SLC36A4: variants seen among roughly 807,000 people sequenced by gnomAD.
The protein encoded by SLC36A4 is neutral amino acid uniporter 4.
Under a neutral mutation model 50.5 loss-of-function variants are expected in SLC36A4, and 49 were observed. The ratio of observed to expected loss-of-function variants is 0.97; its 90% CI spans 0.77 to 1.23. SLC36A4 has a LOEUF of 1.23. Ranked by LOEUF, SLC36A4 falls within the 50% of genes most tolerant of loss-of-function variation. SLC36A4 has a pLI of 0.00. For synonymous variants in SLC36A4, 207 were observed against 206.5 expected (o/e 1.00, Z -0.02); for missense variants, 611 against 608.4 (o/e 1.00, Z -0.05).
intron 3 of SLC36A4, among the ~76,000 whole-genome samples, chr11:93,184,216 A>G (rs1861875798): frequency 6.6e-6 from 1 of 152,162 alleles, no homozygotes; most frequent in South Asian, 2.1e-4. Flanking sequence ...TTGGCTAAAT[A>G]TTACAAATAA....
intron 1 of SLC36A4, among the ~76,000 whole-genome samples, chr11:93,194,819 T>G (rs1302290283): frequency 6.6e-6 from 1 of 152,170 alleles, no homozygotes; most frequent in Non-Finnish European, 1.5e-5. Context: ...AGACCAGACC[T>G]TTCACTAATG....
In SLC36A4 at chr11:93,179,475, A is replaced by T. The variant is rs114545062; in HGVS notation, c.540+1322T>A. On this transcript the variant is annotated intron_variant, in intron 6 of 10. Coordinates refer to ENST00000326402, the MANE Select transcript of SLC36A4 (RefSeq NM_152313.4). ...AATAAATTCTGGCTAGAGATAAAGA[A>T]AAGGAAGACATGGAAGGAACAGTTA... is the stretch of plus-strand genomic sequence containing the variant. Among the ~76,000 whole-genome samples, 1,093 of 152,330 alleles carry T rather than the reference A, an allele frequency of 7.2e-3. 11 individuals are homozygous for T. The highest frequency in any genetic ancestry group is 0.025 in the African/African-American group (1,036 of 41,580).
rs747768813 is a variant in SLC36A4 at position 93,148,686 on chromosome 11, T to C, written c.1366A>G (p.Ile456Val). ...AAGCCAACAACTCCAGTGAATGCTATAGAAATATTTTTCAGGACCATCCAT... is the reference window on the plus strand; with the variant it reads ...AAGCCAACAACTCCAGTGAATGCTACAGAAATATTTTTCAGGACCATCCAT... ...NIWMVLKNIS[I>V]AFTGVVGFLL... Residue 456 changes from isoleucine (I) to valine (V), a missense_variant, in exon 11 of 11, where the codon ATA becomes GTA. Coordinates refer to ENST00000326402, the MANE Select transcript of SLC36A4 (RefSeq NM_152313.4). 1.9e-5 allele frequency: 31 copies of C among 1,612,756 alleles called. No individual in the cohort carries two copies. Among genetic ancestry groups the C allele is most frequent in the East Asian group, 1.8e-4 (8 of 44,810 alleles).
chr11:93,178,679 A>G (rs1441761930), intron 6 of SLC36A4, among the ~76,000 whole-genome samples: 1 of 152,194 alleles, frequency 6.6e-6, no homozygotes, highest in Non-Finnish European at 1.5e-5. Context: ...TTATTTTATC[A>G]GTCACGGGAC....
intron 6 of SLC36A4, among the ~76,000 whole-genome samples, chr11:93,178,959 T>C (rs879739830): frequency 1.7e-4 from 26 of 152,188 alleles, no homozygotes; most frequent in Non-Finnish European, 2.6e-4. Context: ...TTACCATTCC[T>C]TTTATAGAGA....
intron 1 of SLC36A4, among the ~76,000 whole-genome samples, chr11:93,195,605 C>T (rs1862386528): frequency 6.6e-6 from 1 of 152,230 alleles, no homozygotes; most frequent in South Asian, 2.1e-4. Context: ...TGACACTCCT[C>T]TGTTCAAACC....
At chr11:93,178,897 A>T (rs1861612674) in intron 6 of SLC36A4, among the ~76,000 whole-genome samples, 1 of 152,216 alleles carries the variant, frequency 6.6e-6, no homozygotes, top group Non-Finnish European at 1.5e-5. Flanking sequence ...GTAAAGAGGA[A>T]GTCAAACTGT....
chr11:93,160,876 T>A, intron 9 of SLC36A4: 1 of 618,828 alleles, frequency 1.6e-6, no homozygotes, highest in Non-Finnish European at 2.0e-6. Flanking sequence ...AATGTCTCTC[T>A]GTTTCCCAGG....
At chr11:93,184,755 C>T (rs537918451) in intron 2 of SLC36A4, among the ~76,000 whole-genome samples, 30 of 152,028 alleles carry the variant, frequency 2.0e-4, no homozygotes, top group East Asian at 3.9e-4. Flanking sequence ...GTGAAATATC[C>T]GCCAAACAAG....
intron 1 of SLC36A4, among the ~76,000 whole-genome samples, chr11:93,192,534 T>C (rs1245064075): frequency 1.3e-5 from 2 of 152,160 alleles, no homozygotes. Flanking sequence ...GTTACACAAA[T>C]TTTTTGTAGT....
At chr11:93,193,839 T>G (rs1221503312) in intron 1 of SLC36A4, among the ~76,000 whole-genome samples, 1 of 152,182 alleles carries the variant, frequency 6.6e-6, no homozygotes, top group Non-Finnish European at 1.5e-5. Flanking sequence ...CACCTAGTAA[T>G]TCTACTTCTG....
Position 93,174,355 on chromosome 11 carries a change from A to G in SLC36A4, c.541-6184T>C, listed in dbSNP as rs916677861. 9.9e-3 allele frequency among the ~76,000 whole-genome samples: 1,494 copies of G among 151,304 alleles called. 31 individuals carry two copies. Among genetic ancestry groups the G allele is most frequent in the African/African-American group, 0.034 (1,405 of 41,214 alleles). ...GCTTAAGGAGATTTTGGGCTGAGAC[A>G]ATGGGGTTTTCTCGATATACAGTCA... On this transcript the variant is annotated intron_variant, in intron 6 of 10. Coordinates refer to ENST00000326402, the MANE Select transcript of SLC36A4 (RefSeq NM_152313.4).
chr11:93,181,836 G>T (rs370082353), intron 4 of SLC36A4, 50 bp from the exon 5 acceptor site: 1 of 1,438,822 alleles, frequency 7.0e-7, no homozygotes, highest in Non-Finnish European at 9.3e-7. Flanking sequence ...ATTTTAAGGT[G>T]GTCCATAAAA....
Position 93,168,023 on chromosome 11 carries a change from T to C in SLC36A4, c.689A>G (p.Lys230Arg). Residue 230 changes from lysine (K) to arginine (R), a missense_variant, in exon 7 of 11, where the codon AAG (lysine) becomes AGG (arginine). Physicochemically the swap from Lys to Arg is conservative, Grantham distance 26 (BLOSUM62 2). Coordinates refer to ENST00000326402, the MANE Select transcript of SLC36A4 (RefSeq NM_152313.4). The part of the protein sequence containing the change: ...IILLVFIREL[K>R]NLFVLSFLAN... ...AAGGAATGAAAGTACAAATAGATTC[T>C]TTAGTTCACGAATGAAGACCAAAAG... 6.2e-7 allele frequency: 1 copy of C among 1,612,728 alleles called. No homozygotes were observed. The highest frequency in any genetic ancestry group is 8.5e-7 in the Non-Finnish European group (1 of 1,179,186).
intron 1 of SLC36A4, among the ~76,000 whole-genome samples, chr11:93,187,047 C>G (rs1022398328): frequency 6.6e-6 from 1 of 152,112 alleles, no homozygotes; most frequent in Non-Finnish European, 1.5e-5. Flanking sequence ...AGTTTTTACA[C>G]GTTTCACACT....
rs531675462 is a variant in SLC36A4, at chr11:93,162,017, T to C, written c.1037+689A>G. Among the ~76,000 whole-genome samples, 4 of 152,306 alleles carry C rather than the reference T, an allele frequency of 2.6e-5. No individual in the cohort carries two copies. In the East Asian group the frequency reaches 7.7e-4, roughly 29 times the overall value. ...GTGTTCTGAAAGGACTTGGAAAATA[T>C]ACACTATGAAGCTGACCAAAATAGC... On this transcript the variant is annotated intron_variant, in intron 9 of 10. Transcript: ENST00000326402.
At position 93,196,791 on chromosome 11, in the gene SLC36A4, G is replaced by A. The variant is rs534182290; in HGVS notation, c.55+987C>T. On this transcript the variant is annotated intron_variant, in intron 1 of 10. Coordinates refer to ENST00000326402, the MANE Select transcript of SLC36A4 (RefSeq NM_152313.4). ...ATGAATGAAACCTGAGTTCACATTT[G>A]GGTTCTGCCATTAATAAGCTTAAAA... Among the ~76,000 whole-genome samples the A allele has an allele frequency of 4.6e-5, 7 of 152,288 alleles. 1 individual carries two copies. In the East Asian group the frequency reaches 1.2e-3, roughly 25 times the overall value.
intron 6 of SLC36A4, among the ~76,000 whole-genome samples, chr11:93,178,952 C>T (rs1010788212): frequency 6.6e-6 from 1 of 152,122 alleles, no homozygotes; most frequent in African/African-American, 2.4e-5. Flanking sequence ...CCTAAGGTTA[C>T]CATTCCTTTT....
At chr11:93,171,756 G>C (rs1590956589) in intron 6 of SLC36A4, 1 of 151,986 alleles carries the variant, frequency 6.6e-6, no homozygotes, top group African/African-American at 2.4e-5. Flanking sequence ...TGTCTTATCA[G>C]TTCTTGTTAA....
Sources: allele counts gnomAD v4.1 joint callset (sites outside exome capture counted in the v4.1 genomes callset), GRCh38; gene constraint gnomAD v4.1.1; transcripts MANE v1.5; gene names NCBI Gene and HGNC (gene_info 2026-07-23, HGNC 2026-07-21).